SALL2: variants seen among roughly 807,000 people sequenced by gnomAD.
SALL2 encodes the protein sal-like protein 2.
Under a neutral mutation model 58.5 loss-of-function variants are expected in SALL2, and 32 were observed. The observed-to-expected ratio is 0.55, with a 90% confidence interval of 0.41 to 0.74. SALL2 has a LOEUF of 0.74. Among genes scored for constraint, SALL2 ranks in the 30% least tolerant of loss-of-function variants. The pLI is 0.00. For synonymous variants in SALL2, 516 were observed against 513.6 expected (o/e 1.00, Z -0.06); for missense variants, 1,201 against 1,268.9 (o/e 0.95, Z 0.81).
At chr14:21,532,658 T>C (rs1260842629) in intron 1 of SALL2, among the ~76,000 whole-genome samples, 3 of 150,804 alleles carry the variant, frequency 2.0e-5, no homozygotes, top group African/African-American at 4.9e-5. Context: ...AAAAAAATTT[T>C]TTTTGTAATA....
rs1892098412 is a variant in SALL2, at chr14:21,522,908, G to A, written c.2814C>T (p.Phe938=). The A allele has an allele frequency of 1.9e-6, 3 of 1,613,374 alleles. No homozygotes were observed. Among genetic ancestry groups the A allele is most frequent in the Admixed American group, 3.3e-5 (2 of 59,908 alleles). The change falls in exon 2 of 2, where the codon TTC becomes TTT. Residue 938 remains phenylalanine (F), a synonymous_variant. Coordinates refer to ENST00000537235, the MANE Select transcript of SALL2 (RefSeq NM_001364564.1). ...QKTHPKEGPL[F]TCVFCRQGFL... is the part of the protein sequence containing the mutation. The stretch of plus-strand genomic sequence containing the variant: ...AGCCCTGCCTGCAGAAAACACAAGT[G>A]AAGAGCGGCCCCTCCTTGGGGTGGG...
At position 21,525,246 on chromosome 14, in the gene SALL2, G is replaced by A; in HGVS notation, c.476C>T (p.Pro159Leu). 2 of 1,612,278 alleles carry A rather than the reference G, an allele frequency of 1.2e-6. No individual in the cohort carries two copies. The highest frequency in any genetic ancestry group is 1.3e-5 in the African/African-American group (1 of 74,994). Residue 159 changes from proline to leucine, a missense_variant, in exon 2 of 2, where the codon CCT becomes CTT. Physicochemically the swap from Pro to Leu is moderately conservative, Grantham distance 98. Coordinates refer to ENST00000537235, the MANE Select transcript of SALL2 (RefSeq NM_001364564.1). The surrounding 1 kb of genome is among the most constrained non-coding windows in gnomAD (Gnocchi z 4.4). ...GGGCGGAGGGGGTGGTGGAGGAGGA[G>A]GGGGTGCAGGGGTCGATTCTGGAGG... ...PLPPESTPAPPPPPPPPPPPG... is the reference protein window; with the variant it reads ...PLPPESTPAPLPPPPPPPPPG...
intron 1 of SALL2, among the ~76,000 whole-genome samples, chr14:21,535,573 C>T (rs1005322800): frequency 6.6e-6 from 1 of 152,062 alleles, no homozygotes; most frequent in South Asian, 2.1e-4. Flanking sequence ...TCACAACAAC[C>T]TAATGAGGTA....
upstream of SALL2, among the ~76,000 whole-genome samples, chr14:21,530,281 C>CTTTTTTTTTTTTTTTTTTTT (rs34598628): frequency 9.3e-4 from 60 of 64,812 alleles, no homozygotes; most frequent in African/African-American, 1.1e-3. Context: ...TTTTTTCTTT[C>CTTTTTTTTTTTTTTTTTTTT]TTTTTTTTTT....
At chr14:21,527,612 T>A (rs569698578), upstream of SALL2, among the ~76,000 whole-genome samples, 48 of 152,222 alleles carry the variant, frequency 3.2e-4, no homozygotes, top group Non-Finnish European at 3.7e-4. Flanking sequence ...CTTCATAAAG[T>A]GGTAATATTG....
chr14:21,527,042 A>G (rs1181093125), upstream of SALL2, among the ~76,000 whole-genome samples: 1 of 152,132 alleles, frequency 6.6e-6, no homozygotes, highest in Non-Finnish European at 1.5e-5. Flanking sequence ...TAATTCATAG[A>G]GTCCATGCTT....
intron 1 of SALL2, among the ~76,000 whole-genome samples, chr14:21,534,649 T>G (rs906856864): frequency 6.6e-6 from 1 of 151,456 alleles, no homozygotes; most frequent in Non-Finnish European, 1.5e-5. Flanking sequence ...TTCTTGGGGG[T>G]TTGGAGGGGT....
In SALL2 at chr14:21,536,973, C is replaced by G. The variant is rs764685181; in HGVS notation, c.-125G>C. The G allele has an allele frequency of 9.1e-6, 14 of 1,542,990 alleles. No homozygotes were observed. In the African/African-American group the frequency reaches 1.5e-4, roughly 17 times the overall value. On this transcript the variant is annotated 5_prime_UTR_variant, in exon 1 of 2. Transcript: ENST00000541965. ...GGGGCAACGCTCACTTGGTCTTAACCGGGGTGACCTGGTCTCGTCTCCCCC... is the reference window on the plus strand; with the variant it reads ...GGGGCAACGCTCACTTGGTCTTAACGGGGGTGACCTGGTCTCGTCTCCCCC...
intron 1 of SALL2, among the ~76,000 whole-genome samples, chr14:21,531,363 TA>T (rs1892455103): frequency 6.6e-6 from 1 of 152,232 alleles, no homozygotes; most frequent in Non-Finnish European, 1.5e-5. Flanking sequence ...AACATTCTAA[TA>T]TTTGTGATCT....
In SALL2 at chr14:21,525,064, T is replaced by A; in HGVS notation, c.658A>T (p.Ser220Cys). 6.2e-7 allele frequency: 1 copy of A among 1,614,032 alleles called. No homozygotes were observed. Among genetic ancestry groups the A allele is most frequent in the Non-Finnish European group, 8.5e-7 (1 of 1,179,964 alleles). ...CCTGTCCCAGGTAGCTCTGAGGGACTGGCAGGGGCACCCACCGTCTGGCCT... is the reference window on the plus strand; with the variant it reads ...CCTGTCCCAGGTAGCTCTGAGGGACAGGCAGGGGCACCCACCGTCTGGCCT... ...SLGQTVGAPA[S>C]PSELPGTGTA... The change falls in exon 2 of 2, where the codon AGT (serine) becomes TGT (cysteine). Residue 220 changes from serine (S) to cysteine (C), a missense_variant. This residue lies in a region of SALL2 where 467 missense variants were observed against 468.9 expected (regional missense o/e 1.00). Transcript: ENST00000537235. The surrounding 1 kb of genome is among the most constrained non-coding windows in gnomAD (Gnocchi z 4.4).
Position 21,526,291 on chromosome 14 carries a change from G to A in SALL2, c.-164C>T. On this transcript the variant is annotated 5_prime_UTR_variant, in exon 1 of 2. Coordinates refer to ENST00000537235, the MANE Select transcript of SALL2 (RefSeq NM_001364564.1). ...GGCAGGGAGCAGCGGCGGAGGGGGA[G>A]GGGAGCGAGGAGGCGGGGAGAAGCT... 4.2e-6 allele frequency: 6 copies of A among 1,438,928 alleles called. No homozygotes were observed. The highest frequency in any genetic ancestry group is 1.4e-5 in the African/African-American group (1 of 69,850). 89.1% of individuals were successfully genotyped at this position (1,438,928 alleles called of 1,614,324 possible).
rs1280639473 is a variant in SALL2, at chr14:21,525,608, G to C, written c.114C>G (p.Cys38Trp). Residue 38 changes from cysteine to tryptophan, a missense_variant, in exon 2 of 2, where the codon TGC becomes TGG. By Grantham distance (215) the Cys-to-Trp change is radical. Transcript: ENST00000537235. The surrounding 1 kb of genome is among the most constrained non-coding windows in gnomAD (Gnocchi z 4.4). Reference sequence around the variant, plus strand: ...ATTCAGTTGGGTCAGTGAATTGTGCGCAGCACTTGGCACAGACTTGGGGGT... The same window carrying C: ...ATTCAGTTGGGTCAGTGAATTGTGCCCAGCACTTGGCACAGACTTGGGGGT... ...EDHPQVCAKCCAQFTDPTEFL... is the reference protein window; with the variant it reads ...EDHPQVCAKCWAQFTDPTEFL... The C allele has an allele frequency of 6.2e-7, 1 of 1,604,718 alleles. No homozygotes were observed.
Position 21,524,894 on chromosome 14 carries a change from G to A in SALL2, c.828C>T (p.Tyr276=), listed in dbSNP as rs1187432331. 1.2e-6 allele frequency: 2 copies of A among 1,614,214 alleles called. No homozygotes were observed. The highest frequency in any genetic ancestry group is 1.1e-5 in the South Asian group (1 of 91,086). ...ETPKQAFFHL[Y]HPLGSQHPFS... ...AAGGATGCTGTGACCCCAGTGGGTG[G>A]TAAAGGTGGAAGAAGGCCTGCTTGG... The change falls in exon 2 of 2, where the codon TAC becomes TAT. Residue 276 remains tyrosine, a synonymous_variant. Transcript: ENST00000537235.
Position 21,523,888 on chromosome 14 carries a change from C to T in SALL2, c.1834G>A (p.Ala612Thr), listed in dbSNP as rs772316875. The T allele has an allele frequency of 8.7e-6, 14 of 1,614,066 alleles. No homozygotes were observed. The highest frequency in any genetic ancestry group is 7.6e-6 in the Non-Finnish European group (9 of 1,180,036). ...GGTGCAGGGGCAGAGGTGGTGGGGG[C>T]TCCTGAGGCAGCTGAGGTCACCGCC... ...AVAVTSAASGAPTTSAPAPSS... is the reference protein window; with the variant it reads ...AVAVTSAASGTPTTSAPAPSS... The change falls in exon 2 of 2, where the codon GCC becomes ACC. Residue 612 changes from alanine (A) to threonine (T), a missense_variant. Ala to Thr is a moderately conservative substitution (Grantham distance 58). Transcript: ENST00000537235. This position sits in a 1 kb window ranked among gnomAD's most constrained non-coding sequence, Gnocchi z 4.4.
At position 21,524,762 on chromosome 14, in the gene SALL2, T is replaced by C; in HGVS notation, c.960A>G (p.Pro320=). ...QLIASPHLAF[P]STTGLLAAQC... is the part of the protein sequence containing the mutation. ...GTGCTGCCAGTAGTCCCGTGGTGCT[T>C]GGGAATGCCAGATGAGGCGAGGCAA... The change falls in exon 2 of 2, where the codon CCA becomes CCG. Residue 320 remains proline, a synonymous_variant. Transcript: ENST00000537235. The C allele has an allele frequency of 6.2e-7, 1 of 1,607,472 alleles. No homozygotes were observed. The highest frequency in any genetic ancestry group is 1.7e-5 in the Admixed American group (1 of 59,532).
At chr14:21,529,518 A>G (rs1892404182), upstream of SALL2, among the ~76,000 whole-genome samples, 1 of 152,142 alleles carries the variant, frequency 6.6e-6, no homozygotes, top group Non-Finnish European at 1.5e-5. Context: ...AGAGAGTTTT[A>G]AAATTTTTAT....
chr14:21,526,214 G>A lies in SALL2; in HGVS notation c.-87C>T, dbSNP rs904378211. 5 of 1,508,516 alleles carry A rather than the reference G, an allele frequency of 3.3e-6. No individual in the cohort carries two copies. Among genetic ancestry groups the A allele is most frequent in the Non-Finnish European group, 4.4e-6 (5 of 1,130,252 alleles). The allele number at this position is 1,508,516 out of a possible 1,614,324, so 93.4% of individuals were successfully genotyped here. ...GGCGATGGCCGCTGGGTCTGCGGCA[G>A]CCTCTGCACCCAGCGGCCCAGACTG... On this transcript the variant is annotated 5_prime_UTR_variant, in exon 1 of 2. Transcript: ENST00000537235.
chr14:21,521,727 C>A lies in SALL2; in HGVS notation c.*977G>T, dbSNP rs1469447106. 1 of 381,916 alleles carries A rather than the reference C, an allele frequency of 2.6e-6. No homozygotes were observed. The highest frequency in any genetic ancestry group is 4.8e-6 in the Non-Finnish European group (1 of 207,210). 23.7% of individuals were successfully genotyped at this position (381,916 alleles called of 1,614,324 possible). A position where few individuals can be genotyped will look rare whatever the true frequency, so the allele number is the denominator to read the frequency against. On this transcript the variant is annotated 3_prime_UTR_variant, in exon 2 of 2. Coordinates refer to ENST00000537235, the MANE Select transcript of SALL2 (RefSeq NM_001364564.1). ...CAAAAATGCTCCTTAAAGATACGAACTTCACATTTCCCAAATATCTCCTGG... is the reference window on the plus strand; with the variant it reads ...CAAAAATGCTCCTTAAAGATACGAAATTCACATTTCCCAAATATCTCCTGG...
At chr14:21,526,014 T>TCCCCCAAC in intron 1 of SALL2, 47 bp downstream of exon 1, 1 of 1,041,066 alleles carries the variant, frequency 9.6e-7, no homozygotes, top group Non-Finnish European at 1.4e-6. Flanking sequence ...CCCCTGCGCA[T>TCCCCCAAC]CCCCCTCCGC....
Sources: gnomAD v4.1 joint callset for allele counts (sites outside exome capture counted in the v4.1 genomes callset) on GRCh38, gnomAD v4.1.1 for gene constraint, gnomAD v4.1.1 regional missense constraint, Gnocchi (gnomAD v3.1) non-coding constraint, MANE v1.5 for transcripts, NCBI Gene and HGNC (gene_info 2026-07-23, HGNC 2026-07-21) for gene names.